VAPB: variants seen among roughly 807,000 people sequenced by gnomAD.
VAPB encodes the protein vesicle-associated membrane protein-associated protein B/C.
In VAPB, 7 loss-of-function variants were observed where a neutral mutation model predicts 25.6. The observed-to-expected ratio is 0.27, with a 90% CI of 0.16 to 0.51. The LOEUF (loss-of-function observed/expected upper bound fraction) is 0.51, where lower values mean the gene tolerates loss of function less well. Ranked by LOEUF, VAPB falls within the 20% of genes least tolerant of loss-of-function variation. The pLI is 0.97. For missense variants in VAPB, 266 were observed against 301.3 expected, an observed-to-expected ratio of 0.88 and a Z score of 0.87; for synonymous variants, 112 against 109.2, an observed-to-expected ratio of 1.03 and a Z score of -0.16.
At chr20:58,441,892 A>C (rs1194039985) in intron 5 of VAPB, among the ~76,000 whole-genome samples, 7 of 152,072 alleles carry the variant, frequency 4.6e-5, no homozygotes, top group Non-Finnish European at 1.0e-4. Context: ...ATGAGCTTGG[A>C]GGTGGGGTGC....
At chr20:58,420,486 A>G (rs1198669315) in intron 2 of VAPB, among the ~76,000 whole-genome samples, 1 of 152,220 alleles carries the variant, frequency 6.6e-6, no homozygotes, top group Non-Finnish European at 1.5e-5. Flanking sequence ...TGGTCATGGC[A>G]GCACTGCTAT....
chr20:58,431,490 T>C (rs989402319), intron 2 of VAPB: 14 of 152,158 alleles, frequency 9.2e-5, no homozygotes, highest in African/African-American at 3.1e-4. Flanking sequence ...CTGGCACTCT[T>C]GTTTAATACG....
At chr20:58,438,755 T>C (rs1027980898) in intron 3 of VAPB, among the ~76,000 whole-genome samples, 190 bp from the exon 4 acceptor site, 1 of 152,228 alleles carries the variant, frequency 6.6e-6, no homozygotes, top group African/African-American at 2.4e-5. Context: ...GTGTAATATT[T>C]TGAGAAAGTG....
At chr20:58,435,185 T>C (rs970062788) in intron 3 of VAPB, among the ~76,000 whole-genome samples, 3 of 152,142 alleles carry the variant, frequency 2.0e-5, no homozygotes, top group East Asian at 1.9e-4. Flanking sequence ...TTATTTATTT[T>C]CCCCCCTGCT....
At chr20:58,430,828 G>A (rs1381156388) in intron 2 of VAPB, among the ~76,000 whole-genome samples, 4 of 152,082 alleles carry the variant, frequency 2.6e-5, no homozygotes, top group Non-Finnish European at 5.9e-5. Context: ...CACCCGCCTC[G>A]GCCTCCCAAA....
At chr20:58,405,078 A>C (rs985087700) in intron 1 of VAPB, among the ~76,000 whole-genome samples, 5 of 152,198 alleles carry the variant, frequency 3.3e-5, no homozygotes, top group Admixed American at 2.6e-4. Flanking sequence ...AACTAAAAAC[A>C]ATGCAAGATA....
In VAPB at chr20:58,421,778, G is replaced by A. The variant is rs538521894; in HGVS notation, c.211+3415G>A. Among the ~76,000 whole-genome samples, 10 of 152,256 alleles carry A rather than the reference G, an allele frequency of 6.6e-5. No homozygotes were observed. The South Asian group carries it at 1.9e-3, about 28-fold the overall frequency. On this transcript the variant is annotated intron_variant, in intron 2 of 5. Transcript: ENST00000475243. ...GGTAATGATGTCTGCCCATGGAGCT[G>A]GCACCTGTGCTGGCCAGAGGGATCA... is the stretch of plus-strand genomic sequence containing the variant.
intron 1 of VAPB, among the ~76,000 whole-genome samples, chr20:58,398,782 A>C (rs966286620): frequency 6.6e-6 from 1 of 151,980 alleles, no homozygotes; most frequent in Admixed American, 6.6e-5. Context: ...TGAAGTTATT[A>C]ACCCAAGTTA....
rs1487304100 is a variant in VAPB at position 58,446,975 on chromosome 20, G to T, written c.*2740G>T. The T allele has an allele frequency of 2.2e-6, 1 of 454,148 alleles. No homozygotes were observed. Among genetic ancestry groups the T allele is most frequent in the Admixed American group, 2.3e-5 (1 of 42,580 alleles). 28.1% of individuals were successfully genotyped at this position (454,148 alleles called of 1,614,324 possible). A position where few individuals can be genotyped will look rare whatever the true frequency, so the allele number is the denominator to read the frequency against. ...GTCACAACGGCCTGCCCTGCCCCAA[G>T]AGGGTTAAGAGTCAGATAATCGGGA... On this transcript the variant is annotated 3_prime_UTR_variant, in exon 6 of 6. Coordinates refer to ENST00000475243, the MANE Select transcript of VAPB (RefSeq NM_004738.5).
chr20:58,413,817 C>CG (rs1346530630), intron 1 of VAPB, among the ~76,000 whole-genome samples: 17 of 138,790 alleles, frequency 1.2e-4, no homozygotes, highest in Admixed American at 7.7e-4. Flanking sequence ...GCTGGCCGGG[C>CG]GGGGGGCTGA....
At chr20:58,397,928 C>G (rs530500375) in intron 1 of VAPB, among the ~76,000 whole-genome samples, 1 of 152,106 alleles carries the variant, frequency 6.6e-6, no homozygotes. Context: ...GACGATGATA[C>G]GCCAGGCATA....
chr20:58,408,900 C>G (rs1457625008), intron 1 of VAPB, among the ~76,000 whole-genome samples: 1 of 136,626 alleles, frequency 7.3e-6, no homozygotes, highest in African/African-American at 2.8e-5. Context: ...ACCCCCCCCC[C>G]CCACCCCGCC....
chr20:58,437,701 A>T (rs2123094752), intron 3 of VAPB, among the ~76,000 whole-genome samples: 1 of 152,286 alleles, frequency 6.6e-6, no homozygotes, highest in South Asian at 2.1e-4. Context: ...AGACTTCAGT[A>T]TTCTTTGCGA....
At chr20:58,433,663 C>T (rs7272451) in intron 2 of VAPB, among the ~76,000 whole-genome samples, 1 of 152,208 alleles carries the variant, frequency 6.6e-6, no homozygotes, top group African/African-American at 2.4e-5. Context: ...CAGAATAGCC[C>T]CTCTCCCCCA....
intron 1 of VAPB, among the ~76,000 whole-genome samples, chr20:58,393,618 C>G (rs1421382082): frequency 6.6e-6 from 1 of 152,188 alleles, no homozygotes; most frequent in African/African-American, 2.4e-5. Flanking sequence ...TCGTTCAGGA[C>G]TCTAGATCAT....
At chr20:58,441,527 A>C (rs1380496289) in intron 5 of VAPB, among the ~76,000 whole-genome samples, 1 of 152,174 alleles carries the variant, frequency 6.6e-6, no homozygotes, top group Non-Finnish European at 1.5e-5. Flanking sequence ...CTGTAATTCC[A>C]GCCACTCGGG....
intron 2 of VAPB, chr20:58,430,925 A>G (rs896963270): frequency 2.6e-5 from 4 of 152,208 alleles, no homozygotes; most frequent in Non-Finnish European, 4.4e-5. Flanking sequence ...GGATGCTCAT[A>G]TCTGCTTCTG....
chr20:58,428,586 AGGCCAGT>A (rs1988859809), intron 2 of VAPB, among the ~76,000 whole-genome samples: 1 of 152,180 alleles, frequency 6.6e-6, no homozygotes, highest in Non-Finnish European at 1.5e-5. Context: ...CAGGAGTTGG[AGGCCAGT>A]CTGGACAACA....
intron 1 of VAPB, among the ~76,000 whole-genome samples, chr20:58,405,828 C>G (rs890692405): frequency 4.3e-5 from 6 of 139,448 alleles, no homozygotes; most frequent in Non-Finnish European, 9.1e-5. Flanking sequence ...TCACTCGGCT[C>G]ACTGTAACCT....
Sources: gnomAD v4.1 joint callset for allele counts (sites outside exome capture counted in the v4.1 genomes callset) on GRCh38, gnomAD v4.1.1 for gene constraint, MANE v1.5 for transcripts, NCBI Gene and HGNC (gene_info 2026-07-23, HGNC 2026-07-21) for gene names.